The following ATP1A4 variants were observed in gnomAD, a reference collection of about 807,000 sequenced individuals.
ATP1A4 encodes the protein ATPase Na+/K+ transporting subunit alpha 4, also known as sodium/potassium-transporting ATPase subunit alpha-4.
In ATP1A4, 90 loss-of-function variants were observed where a neutral mutation model predicts 114.3. The ratio of observed to expected loss-of-function variants is 0.79; its 90% CI spans 0.66 to 0.94. The LOEUF (loss-of-function observed/expected upper bound fraction) is 0.94. Among genes scored for constraint, ATP1A4 ranks in the 40% least tolerant of loss-of-function variants. The pLI, the probability that ATP1A4 is intolerant of heterozygous loss-of-function variation, is 0.00. For synonymous variants in ATP1A4, 511 were observed against 494.1 expected (o/e 1.03, Z -0.45); for missense variants, 1,222 against 1,313.6 (o/e 0.93, Z 1.08).
At chr1:160,182,269 T>G (rs1246696687) in intron 20 of ATP1A4, among the ~76,000 whole-genome samples, 2 of 152,218 alleles carry the variant, frequency 1.3e-5, no homozygotes, top group Non-Finnish European at 2.9e-5. Context: ...TTAGCAGACT[T>G]ACCAGTGTTT....
In ATP1A4 at chr1:160,177,727, A is replaced by C. The variant is rs11801984; in HGVS notation, c.2736+63A>C. ...AGAGTGAGAGTGACAGGGGAGAGTG[A>C]GTGCAGCAAATTTTTTAAGAGAGAA... On this transcript the variant is annotated intron_variant, in intron 18 of 21. Coordinates refer to ENST00000368081, the MANE Select transcript of ATP1A4 (RefSeq NM_144699.4). 6 of 1,576,190 alleles carry C rather than the reference A, an allele frequency of 3.8e-6. No homozygotes were observed. In the Admixed American group the frequency reaches 1.1e-4, roughly 28 times the overall value.
At position 160,186,910 on chromosome 1, in the gene ATP1A4, C is replaced by A; in HGVS notation, c.*211C>A. 1.6e-6 allele frequency: 1 copy of A among 625,690 alleles called. No homozygotes were observed. The highest frequency in any genetic ancestry group is 2.9e-6 in the Non-Finnish European group (1 of 348,718). The allele number at this position is 625,690 out of a possible 1,614,324, so 38.8% of individuals were successfully genotyped here. On this transcript the variant is annotated 3_prime_UTR_variant, in exon 22 of 22. Transcript: ENST00000368081. ...CAGCCTGCATCTAGCTGGAGCCCCG[C>A]AGGGAGGGGCATGGTCCTGCTGAAT...
intron 6 of ATP1A4, among the ~76,000 whole-genome samples, chr1:160,162,329 G>T (rs894485126): frequency 6.6e-6 from 1 of 152,168 alleles, no homozygotes; most frequent in Non-Finnish European, 1.5e-5. Context: ...TCATTTCAAG[G>T]TGAGTGGCCT....
rs377309643 is a variant in ATP1A4 at position 160,174,625 on chromosome 1, C to T, written c.2189C>T (p.Ala730Val). Residue 730 changes from alanine (A) to valine (V), a missense_variant, in exon 15 of 22, where the codon GCG becomes GTG. Physicochemically the swap from Ala to Val is moderately conservative, Grantham distance 64 (BLOSUM62 0). Coordinates refer to ENST00000368081, the MANE Select transcript of ATP1A4 (RefSeq NM_144699.4). Reference protein sequence around the residue: ...VTGDGVNDSPALKKADIGIAM... With the variant: ...VTGDGVNDSPVLKKADIGIAM... ...GGTGACGGGGTGAACGACTCCCCTG[C>T]GCTGAAGAAGGCTGACATTGGCATT... is the stretch of plus-strand genomic sequence containing the variant. 1.2e-5 allele frequency: 20 copies of T among 1,614,082 alleles called. No homozygotes were observed. The highest frequency in any genetic ancestry group is 9.3e-5 in the African/African-American group (7 of 74,910).
At position 160,180,900 on chromosome 1, in the gene ATP1A4, G is replaced by A. The variant is rs892468645; in HGVS notation, c.2737-784G>A. On this transcript the variant is annotated intron_variant, in intron 18 of 21. Coordinates refer to ENST00000368081, the MANE Select transcript of ATP1A4 (RefSeq NM_144699.4). ...CGGCTAATTTTTTGTATTTTTAGTA[G>A]AGACGGGGTTTCATTGTGTTAGCCA... 6.6e-5 allele frequency among the ~76,000 whole-genome samples: 10 copies of A among 151,694 alleles called. No homozygotes were observed. In the South Asian group the frequency reaches 1.7e-3, roughly 25 times the overall value.
chr1:160,164,523 G>C lies in ATP1A4; in HGVS notation c.1047+99G>C, dbSNP rs13373880. The C allele has an allele frequency of 0.01, 13,153 of 1,266,782 alleles. 631 individuals are homozygous for C. In the African/African-American group the frequency reaches 0.13, roughly 13 times the overall value. 78.5% of individuals were successfully genotyped at this position (1,266,782 alleles called of 1,614,324 possible). The stretch of plus-strand genomic sequence containing the variant: ...TTTGTTGTTGAACCTTTCAAGTGCA[G>C]GGTCTTCCTGATATGTAAATAGGTA... On this transcript the variant is annotated intron_variant, in intron 7 of 21. Coordinates refer to ENST00000368081, the MANE Select transcript of ATP1A4 (RefSeq NM_144699.4).
Position 160,164,496 on chromosome 1 carries a change from CTT to C in ATP1A4, c.1047+75_1047+76del. On this transcript the variant is annotated intron_variant, in intron 7 of 21. Coordinates refer to ENST00000368081, the MANE Select transcript of ATP1A4 (RefSeq NM_144699.4). ...CAGGGAAAAGGGATCACTAGCGTCT[CTT>C]TTGTTGTTGAACCTTTCAAGTGCAG... 14 of 1,535,796 alleles carry C rather than the reference CTT, an allele frequency of 9.1e-6. No homozygotes were observed. The South Asian group carries it at 1.6e-4, about 17-fold the overall frequency.
chr1:160,158,465 C>G, intron 4 of ATP1A4, among the ~76,000 whole-genome samples: 1 of 152,214 alleles, frequency 6.6e-6, no homozygotes, highest in African/African-American at 2.4e-5. Context: ...CAGCCTTAAC[C>G]TTCTGGGCTC....
chr1:160,163,113 C>T (rs61249322), intron 6 of ATP1A4, among the ~76,000 whole-genome samples: 2,730 of 152,208 alleles, frequency 0.018, 60 homozygotes, highest in African/African-American at 0.056. Context: ...AAACAGCTTC[C>T]TCAATTCAGA....
At chr1:160,183,321 T>G (rs1281841296) in intron 20 of ATP1A4, 1 of 152,170 alleles carries the variant, frequency 6.6e-6, no homozygotes, top group Non-Finnish European at 1.5e-5. Context: ...ACTAGTAGCT[T>G]TATTCTTGCT....
chr1:160,155,431 T>G (rs1652614475), intron 3 of ATP1A4, among the ~76,000 whole-genome samples, 183 bp downstream of exon 3: 1 of 152,048 alleles, frequency 6.6e-6, no homozygotes, highest in Non-Finnish European at 1.5e-5. Context: ...TTAATTACAA[T>G]GTAATTGATT....
intron 2 of ATP1A4, among the ~76,000 whole-genome samples, chr1:160,154,591 A>G (rs1454944066): frequency 6.6e-6 from 1 of 152,138 alleles, no homozygotes; most frequent in African/African-American, 2.4e-5. Context: ...GTGCTACCAA[A>G]CACTAGATCT....
rs553282972 is a variant in ATP1A4 at position 160,181,553 on chromosome 1, C to T, written c.2737-131C>T. 76 of 935,972 alleles carry T rather than the reference C, an allele frequency of 8.1e-5. No homozygotes were observed. The African/African-American group carries it at 1.7e-3, about 20-fold the overall frequency. 58.0% of individuals were successfully genotyped at this position (935,972 alleles called of 1,614,324 possible). On this transcript the variant is annotated intron_variant, in intron 18 of 21. Transcript: ENST00000368081. ...CTAGGCAACAAGAGCGAGACTTAGTCTCAAAAAAAAAAAAAAAAAGAATGA... is the reference window on the plus strand; with the variant it reads ...CTAGGCAACAAGAGCGAGACTTAGTTTCAAAAAAAAAAAAAAAAAGAATGA...
Position 160,182,002 on chromosome 1 carries a change from G to C in ATP1A4, c.2940G>C (p.Met980Ile). 6.2e-7 allele frequency: 1 copy of C among 1,614,162 alleles called. No homozygotes were observed. The highest frequency in any genetic ancestry group is 8.5e-7 in the Non-Finnish European group (1 of 1,180,018). Residue 980 changes from methionine to isoleucine, a missense_variant, in exon 20 of 22, where the codon ATG becomes ATC. Coordinates refer to ENST00000368081, the MANE Select transcript of ATP1A4 (RefSeq NM_144699.4). ...CATTTCTGTCCTACACTCCAGGCAT[G>C]GACGTGGCCCTGCGAATGTACCCAC... Reference protein sequence around the residue: ...LAAFLSYTPGMDVALRMYPLK... With the variant: ...LAAFLSYTPGIDVALRMYPLK...
In ATP1A4 at chr1:160,176,572, C is replaced by T. The variant is rs769122428; in HGVS notation, c.2560C>T (p.Arg854Cys). 8.1e-6 allele frequency: 13 copies of T among 1,614,008 alleles called. No homozygotes were observed. Among genetic ancestry groups the T allele is most frequent in the Non-Finnish European group, 1.0e-5 (12 of 1,180,034 alleles). The change falls in exon 17 of 22, where the codon CGT (arginine) becomes TGT (cysteine). Residue 854 changes from arginine (R) to cysteine (C), a missense_variant. Physicochemically the swap from Arg to Cys is radical, Grantham distance 180. Transcript: ENST00000368081. ...NPKTDNLVNH[R>C]LIGMAYGQIG... ...AAAGACGGATAATCTGGTGAACCAC[C>T]GTCTCATTGGCATGGCCTATGGACA... is the stretch of plus-strand genomic sequence containing the variant.
At chr1:160,156,193 G>T (rs1232837568) in intron 4 of ATP1A4, 35 bp downstream of exon 4, 1 of 1,422,680 alleles carries the variant, frequency 7.0e-7, no homozygotes. Context: ...GTGGGAGCAG[G>T]AGCAGGATGT....
At position 160,167,367 on chromosome 1, in the gene ATP1A4, C is replaced by A. The variant is rs144013520; in HGVS notation, c.1446C>A (p.Asn482Lys). ...CTGTGGCGGAGATGAGAGAGAAAAA[C>A]CCCAAGGTGGCAGAGATTCCCTTTA... The part of the protein sequence containing the change: ...YSSVAEMREK[N>K]PKVAEIPFNS... Residue 482 changes from asparagine (N) to lysine (K), a missense_variant, in exon 10 of 22, where the codon AAC (asparagine) becomes AAA (lysine). By Grantham distance (94) the Asn-to-Lys change is moderately conservative (BLOSUM62 0). Transcript: ENST00000368081. The A allele has an allele frequency of 8.1e-6, 13 of 1,611,998 alleles. No homozygotes were observed. Among genetic ancestry groups the A allele is most frequent in the Non-Finnish European group, 3.4e-6 (4 of 1,179,582 alleles).
intron 20 of ATP1A4, among the ~76,000 whole-genome samples, 190 bp from the exon 21 acceptor site, chr1:160,186,086 C>CAAGAAAAAAAAAAA (rs1653878673): frequency 3.0e-5 from 1 of 32,790 alleles, no homozygotes; most frequent in African/African-American, 1.3e-4. Context: ...GACTCTGTCG[C>CAAGAAAAAAAAAAA]AAAAAAAAAA....
chr1:160,179,000 G>C (rs1448535543), intron 18 of ATP1A4, among the ~76,000 whole-genome samples: 2 of 152,192 alleles, frequency 1.3e-5, no homozygotes, highest in Non-Finnish European at 2.9e-5. Context: ...ACCTGATCTA[G>C]GAAGATTCTG....
Sources: gnomAD v4.1 joint callset for allele counts (sites outside exome capture counted in the v4.1 genomes callset) on GRCh38, gnomAD v4.1.1 for gene constraint, MANE v1.5 for transcripts, NCBI Gene and HGNC (gene_info 2026-07-23, HGNC 2026-07-21) for gene names.